Variants in FAT4 observed in about 807,000 individuals in gnomAD.
FAT4 encodes the protein protocadherin Fat 4.
In FAT4, 84 loss-of-function variants were observed where a neutral mutation model predicts 303.9. The observed-to-expected ratio is 0.28, with a 90% confidence interval of 0.23 to 0.33. The LOEUF (loss-of-function observed/expected upper bound fraction) is 0.33. Among genes scored for constraint, FAT4 ranks in the 10% least tolerant of loss-of-function variants. The pLI is 1.00. For missense variants in FAT4, 6,005 were observed against 6,146.8 expected, an observed-to-expected ratio of 0.98 and a Z score of 0.77; for synonymous variants, 2,307 against 2,298.8, an observed-to-expected ratio of 1.00 and a Z score of -0.10.
intron 3 of FAT4, among the ~76,000 whole-genome samples, chr4:125,405,467 A>T (rs1734558847): frequency 6.6e-6 from 1 of 150,586 alleles, no homozygotes; most frequent in African/African-American, 2.4e-5. Flanking sequence ...TTTGATTTGC[A>T]TTTCCCTGAT....
chr4:125,480,377 T>C (rs1335504274), intron 15 of FAT4, among the ~76,000 whole-genome samples: 1 of 152,148 alleles, frequency 6.6e-6, no homozygotes, highest in African/African-American at 2.4e-5. Context: ...CTTTTTAAAA[T>C]CCTTTCATCA....
intron 10 of FAT4, among the ~76,000 whole-genome samples, chr4:125,453,822 G>A (rs1410629808): frequency 3.9e-5 from 6 of 152,142 alleles, no homozygotes; most frequent in South Asian, 2.1e-4. Context: ...AGACTAGAAA[G>A]CAGCATTAAA....
At chr4:125,478,492 T>C (rs1004060937) in intron 14 of FAT4, among the ~76,000 whole-genome samples, 4 of 152,176 alleles carry the variant, frequency 2.6e-5, no homozygotes, top group African/African-American at 7.2e-5. Context: ...AACTCCTCTG[T>C]TTCTGTTAGA....
chr4:125,419,727 C>G (rs563877148), intron 7 of FAT4, among the ~76,000 whole-genome samples: 2 of 152,154 alleles, frequency 1.3e-5, no homozygotes, highest in Non-Finnish European at 2.9e-5. Flanking sequence ...GAGCCAGAGT[C>G]GTGCACTGGC....
intron 4 of FAT4, among the ~76,000 whole-genome samples, chr4:125,407,584 T>C (rs1346493661): frequency 1.3e-5 from 2 of 152,134 alleles, no homozygotes; most frequent in African/African-American, 4.8e-5. Flanking sequence ...CTCTATCCTG[T>C]AAATGGAAAC....
chr4:125,413,970 C>T (rs1033518427), intron 5 of FAT4, among the ~76,000 whole-genome samples: 7 of 151,930 alleles, frequency 4.6e-5, no homozygotes, highest in African/African-American at 7.2e-5. Flanking sequence ...ATGTACAGTA[C>T]GTTTTTATCA....
At chr4:125,444,756 CT>C in intron 8 of FAT4, among the ~76,000 whole-genome samples, 1 of 151,950 alleles carries the variant, frequency 6.6e-6, no homozygotes, top group East Asian at 1.9e-4. Context: ...CATTATAAAA[CT>C]AAAAAAGTTT....
chr4:125,417,559 G>A (rs181814000), intron 7 of FAT4, among the ~76,000 whole-genome samples: 4 of 152,268 alleles, frequency 2.6e-5, no homozygotes, highest in Admixed American at 2.0e-4. Context: ...GATGTGTGAA[G>A]ATTCTGCCCA....
chr4:125,321,687 G>T (rs1002024806), intron 2 of FAT4, 101 bp downstream of exon 2: 10 of 1,202,436 alleles, frequency 8.3e-6, no homozygotes, highest in Non-Finnish European at 1.1e-5. Flanking sequence ...ATTGTTTATT[G>T]TTAAATTTGT....
At chr4:125,435,076 T>G (rs1725406855) in intron 8 of FAT4, among the ~76,000 whole-genome samples, 1 of 152,244 alleles carries the variant, frequency 6.6e-6, no homozygotes, top group Non-Finnish European at 1.5e-5. Flanking sequence ...CAAAGAATTT[T>G]GACCATTTTT....
At position 125,450,830 on chromosome 4, in the gene FAT4, A is replaced by G; in HGVS notation, c.9820A>G (p.Asn3274Asp). The change falls in exon 10 of 18, where the codon AAT becomes GAT. Residue 3274 changes from asparagine (N) to aspartate (D), a missense_variant. Physicochemically the swap from Asn to Asp is conservative, Grantham distance 23 (BLOSUM62 1). Coordinates refer to ENST00000394329, the MANE Select transcript of FAT4 (RefSeq NM_001291303.3). ...CTACCATCTTACTGTGAAAGCCTTC[A>G]ATGTCCCCGATGAGGAAAGGTGTAG... ...QSYHLTVKAF[N>D]VPDEERCSFA... The G allele has an allele frequency of 1.2e-6, 2 of 1,614,128 alleles. No homozygotes were observed. Among genetic ancestry groups the G allele is most frequent in the African/African-American group, 1.3e-5 (1 of 75,052 alleles).
At chr4:125,390,429 G>T (rs556922457) in intron 2 of FAT4, among the ~76,000 whole-genome samples, 75 of 152,256 alleles carry the variant, frequency 4.9e-4, no homozygotes, top group African/African-American at 1.7e-3. Context: ...AGGCGTGATG[G>T]TTGTACTGAT....
intron 3 of FAT4, among the ~76,000 whole-genome samples, chr4:125,403,384 T>C (rs28386980): frequency 0.039 from 5,884 of 152,086 alleles, 384 homozygotes; most frequent in African/African-American, 0.13. Context: ...TTAAACGCAG[T>C]ATTTTGATTG....
intron 10 of FAT4, among the ~76,000 whole-genome samples, chr4:125,462,221 A>G (rs1726507946): frequency 6.6e-6 from 1 of 151,986 alleles, no homozygotes; most frequent in Non-Finnish European, 1.5e-5. Flanking sequence ...ATCAAGCCAC[A>G]AAAACAGAAC....
chr4:125,452,771 C>T lies in FAT4; in HGVS notation c.11761C>T (p.Pro3921Ser). 1 of 1,613,586 alleles carries T rather than the reference C, an allele frequency of 6.2e-7. No homozygotes were observed. The highest frequency in any genetic ancestry group is 1.3e-5 in the African/African-American group (1 of 75,014). Reference protein sequence around the residue: ...CKNGAICQNFPGSFNCVCKTG... With the variant: ...CKNGAICQNFSGSFNCVCKTG... ...GAATGGTGCCATCTGCCAGAATTTTCCAGGAAGCTTCAACTGTGTTTGCAA... is the reference window on the plus strand; with the variant it reads ...GAATGGTGCCATCTGCCAGAATTTTTCAGGAAGCTTCAACTGTGTTTGCAA... Residue 3921 changes from proline to serine, a missense_variant, in exon 10 of 18, where the codon CCA (proline) becomes TCA (serine). Coordinates refer to ENST00000394329, the MANE Select transcript of FAT4 (RefSeq NM_001291303.3).
intron 2 of FAT4, among the ~76,000 whole-genome samples, chr4:125,357,122 T>G (rs1417889421): frequency 6.6e-6 from 1 of 152,078 alleles, no homozygotes; most frequent in Admixed American, 6.6e-5. Flanking sequence ...TAAAACAATA[T>G]TCACATGAAT....
intron 2 of FAT4, among the ~76,000 whole-genome samples, chr4:125,377,591 T>TA (rs1733382812): frequency 2.0e-5 from 3 of 152,168 alleles, no homozygotes; most frequent in Admixed American, 2.0e-4. Flanking sequence ...ATTCTGCTGT[T>TA]ACATTTGTTC....
intron 12 of FAT4, among the ~76,000 whole-genome samples, chr4:125,473,124 C>A (rs1235386643): frequency 6.6e-6 from 1 of 151,886 alleles, no homozygotes; most frequent in African/African-American, 2.4e-5. Context: ...TTCTAATATG[C>A]CCACATTTCC....
chr4:125,318,330 G>C lies in FAT4; in HGVS notation c.1919G>C (p.Arg640Thr), dbSNP rs1730740277. The C allele has an allele frequency of 6.2e-7, 1 of 1,614,074 alleles. No individual in the cohort carries two copies. The highest frequency in any genetic ancestry group is 8.5e-7 in the Non-Finnish European group (1 of 1,180,046). Residue 640 changes from arginine to threonine, a missense_variant, in exon 2 of 18, where the codon AGG becomes ACG. Coordinates refer to ENST00000394329, the MANE Select transcript of FAT4 (RefSeq NM_001291303.3). ...TTCCGTCTGGATCCTGTGTCTGGGA[G>C]GTTGAGTACTATTTCCTCCTTGGAC... ...RSFRLDPVSGRLSTISSLDRE... is the reference protein window; with the variant it reads ...RSFRLDPVSGTLSTISSLDRE...
Sources: gnomAD v4.1 joint callset for allele counts (sites outside exome capture counted in the v4.1 genomes callset) on GRCh38, gnomAD v4.1.1 for gene constraint, MANE v1.5 for transcripts, NCBI Gene and HGNC (gene_info 2026-07-23, HGNC 2026-07-21) for gene names.